TACR1: variants seen among roughly 807,000 people sequenced by gnomAD.
TACR1 encodes tachykinin receptor 1, also known as substance-P receptor.
In TACR1, 25 loss-of-function variants were observed where a neutral mutation model predicts 35.8. The observed-to-expected ratio is 0.70, with a 90% CI of 0.51 to 0.98. The LOEUF (loss-of-function observed/expected upper bound fraction) is 0.98. Among genes scored for constraint, TACR1 ranks in the 50% least tolerant of loss-of-function variants. The pLI is 0.00. For missense variants in TACR1, 478 were observed against 522.9 expected (o/e 0.91, Z 0.84); for synonymous variants, 195 against 206.7 (o/e 0.94, Z 0.48).
At chr2:75,095,303 G>A (rs1000002603) in intron 2 of TACR1, among the ~76,000 whole-genome samples, 1 of 152,148 alleles carries the variant, frequency 6.6e-6, no homozygotes, top group Non-Finnish European at 1.5e-5. Flanking sequence ...TTTCGTGGCT[G>A]TAACCCAGTT....
chr2:75,106,289 G>T (rs1310901294), intron 2 of TACR1, among the ~76,000 whole-genome samples: 2 of 151,854 alleles, frequency 1.3e-5, no homozygotes, highest in Admixed American at 1.3e-4. Flanking sequence ...TTGCATTTTT[G>T]CAAATCCCTT....
At chr2:75,074,413 G>A (rs1203711204) in intron 2 of TACR1, among the ~76,000 whole-genome samples, 3 of 152,162 alleles carry the variant, frequency 2.0e-5, no homozygotes, top group South Asian at 2.1e-4. Flanking sequence ...TGTAGGGAAT[G>A]CAGAGCTCAG....
Position 75,141,196 on chromosome 2 carries a change from G to A in TACR1, c.390-20428C>T, listed in dbSNP as rs940438591. On this transcript the variant is annotated intron_variant, in intron 1 of 4. Transcript: ENST00000305249. ...GAAGCCATTCTTCCTTTAGTATTTG[G>A]GATCTTCTAGCTCCTCCAGTTTGCA... is the stretch of plus-strand genomic sequence containing the variant. Among the ~76,000 whole-genome samples, 8 of 152,106 alleles carry A rather than the reference G, an allele frequency of 5.3e-5. No individual in the cohort carries two copies. The East Asian group carries it at 1.5e-3, about 29-fold the overall frequency.
At chr2:75,127,772 G>A (rs1361227922) in intron 1 of TACR1, among the ~76,000 whole-genome samples, 1 of 152,178 alleles carries the variant, frequency 6.6e-6, no homozygotes, top group African/African-American at 2.4e-5. Context: ...TCCAGACCCT[G>A]GGAGCCTTCC....
chr2:75,080,706 G>C (rs933617095), intron 2 of TACR1, among the ~76,000 whole-genome samples: 5 of 152,180 alleles, frequency 3.3e-5, no homozygotes, highest in Admixed American at 3.3e-4. Flanking sequence ...GGCAGGGTTA[G>C]CAGATCCATT....
intron 1 of TACR1, among the ~76,000 whole-genome samples, chr2:75,162,502 C>T (rs997091871): frequency 6.6e-6 from 1 of 152,150 alleles, no homozygotes; most frequent in African/African-American, 2.4e-5. Flanking sequence ...GAAAGAGAAC[C>T]TTGGGACTAG....
intron 1 of TACR1, among the ~76,000 whole-genome samples, chr2:75,160,546 T>C (rs1014754486): frequency 5.3e-5 from 8 of 151,884 alleles, no homozygotes; most frequent in South Asian, 2.1e-4. Flanking sequence ...TAAAGAATGA[T>C]TGAGATGAGA....
intron 1 of TACR1, among the ~76,000 whole-genome samples, chr2:75,176,904 A>C (rs1351881191): frequency 6.6e-6 from 1 of 152,136 alleles, no homozygotes; most frequent in Non-Finnish European, 1.5e-5. Context: ...TCCTACACTG[A>C]TGTAGTCTCC....
At chr2:75,181,651 C>G (rs73935634) in intron 1 of TACR1, among the ~76,000 whole-genome samples, 217 of 151,940 alleles carry the variant, frequency 1.4e-3, no homozygotes, top group African/African-American at 5.0e-3. Context: ...TACTGAGGCC[C>G]CATTAATAGT....
intron 1 of TACR1, among the ~76,000 whole-genome samples, chr2:75,123,106 C>G (rs1204170179): frequency 9.8e-6 from 1 of 101,662 alleles, no homozygotes; most frequent in Non-Finnish European, 2.2e-5. Context: ...TGGCCAGAAC[C>G]TCTTTGAGTG....
chr2:75,185,533 A>T (rs1675671328), intron 1 of TACR1, among the ~76,000 whole-genome samples: 1 of 152,172 alleles, frequency 6.6e-6, no homozygotes, highest in Non-Finnish European at 1.5e-5. Flanking sequence ...GAATTTAAAA[A>T]TTAAGATTTA....
At chr2:75,142,445 A>G (rs745764055) in intron 1 of TACR1, among the ~76,000 whole-genome samples, 3 of 152,196 alleles carry the variant, frequency 2.0e-5, no homozygotes, top group Non-Finnish European at 1.5e-5. Flanking sequence ...CTCTCTTATA[A>G]GCTCTTCAGT....
intron 2 of TACR1, among the ~76,000 whole-genome samples, chr2:75,103,799 G>T (rs1375422191): frequency 6.6e-6 from 1 of 152,116 alleles, no homozygotes; most frequent in African/African-American, 2.4e-5. Context: ...AGATGGTGGA[G>T]TAGGGGATAC....
chr2:75,163,070 G>A (rs902694417), intron 1 of TACR1, among the ~76,000 whole-genome samples: 6 of 152,206 alleles, frequency 3.9e-5, no homozygotes, highest in African/African-American at 1.4e-4. Flanking sequence ...GTTAAGAGCT[G>A]ACATGACACT....
chr2:75,089,490 C>T (rs1001352901), intron 2 of TACR1, among the ~76,000 whole-genome samples: 6 of 152,168 alleles, frequency 3.9e-5, no homozygotes, highest in African/African-American at 1.2e-4. Context: ...TAAGAGCACC[C>T]TTTCGGGAGT....
intron 1 of TACR1, among the ~76,000 whole-genome samples, chr2:75,137,530 C>G (rs1477036153): frequency 1.6e-4 from 24 of 151,648 alleles, no homozygotes; most frequent in Admixed American, 1.6e-3. Flanking sequence ...TCGAGATCAT[C>G]CTGGCTAACA....
chr2:75,167,597 T>C (rs1427973131), intron 1 of TACR1, among the ~76,000 whole-genome samples: 1 of 152,084 alleles, frequency 6.6e-6, no homozygotes, highest in Non-Finnish European at 1.5e-5. Context: ...GGTAAACTAT[T>C]TGGAAAAAAA....
At chr2:75,146,384 A>G (rs1325825789) in intron 1 of TACR1, among the ~76,000 whole-genome samples, 2 of 152,134 alleles carry the variant, frequency 1.3e-5, no homozygotes, top group African/African-American at 2.4e-5. Context: ...TGGCCCCCCA[A>G]AGTGCTGGAA....
chr2:75,111,406 A>G (rs1284392468), intron 2 of TACR1, among the ~76,000 whole-genome samples: 2 of 152,064 alleles, frequency 1.3e-5, no homozygotes, highest in Non-Finnish European at 2.9e-5. Context: ...TGTGATGTTT[A>G]CAGGATTAAT....
Sources: allele counts gnomAD v4.1 joint callset (sites outside exome capture counted in the v4.1 genomes callset), GRCh38; gene constraint gnomAD v4.1.1; transcripts MANE v1.5; gene names NCBI Gene and HGNC (gene_info 2026-07-23, HGNC 2026-07-21).